The following SLC22A9 variants were observed in gnomAD, a reference collection of about 807,000 sequenced individuals.
SLC22A9 encodes organic anion transporter 7.
SLC22A9 carries 64 observed loss-of-function variants against 50.1 expected under a neutral mutation model. The observed-to-expected ratio is 1.28, with a 90% confidence interval of 1.04 to 1.57. The LOEUF is 1.57. Ranked by LOEUF, SLC22A9 falls within the 40% of genes most tolerant of loss-of-function variation. SLC22A9 has a pLI of 0.00. For missense variants in SLC22A9, 757 were observed against 676.1 expected, an observed-to-expected ratio of 1.12 and a Z score of -1.33; for synonymous variants, 261 against 242.5, an observed-to-expected ratio of 1.08 and a Z score of -0.71.
At position 63,370,027 on chromosome 11, in the gene SLC22A9, C is replaced by A; in HGVS notation, c.-30C>A. 6.3e-7 allele frequency: 1 copy of A among 1,586,276 alleles called. No homozygotes were observed. The highest frequency in any genetic ancestry group is 2.2e-5 in the East Asian group (1 of 44,744). On this transcript the variant is annotated 5_prime_UTR_variant, in exon 1 of 10. Coordinates refer to ENST00000279178, the MANE Select transcript of SLC22A9 (RefSeq NM_080866.3). ...ACCTCTCTGGATACAGTCATTTTGC[C>A]TCTACTTGAGGATCAACTGTTCAAC...
chr11:63,407,058 T>TC (rs2015053511), intron 7 of SLC22A9, among the ~76,000 whole-genome samples: 1 of 152,208 alleles, frequency 6.6e-6, no homozygotes, highest in Non-Finnish European at 1.5e-5. Flanking sequence ...TGTCATTGTT[T>TC]CCCAACATGA....
intron 6 of SLC22A9, among the ~76,000 whole-genome samples, chr11:63,383,895 A>G (rs1340682689): frequency 2.6e-5 from 4 of 152,086 alleles, no homozygotes; most frequent in African/African-American, 9.7e-5. Flanking sequence ...CTAAAAATAC[A>G]AAAATTAGTT....
intron 9 of SLC22A9, among the ~76,000 whole-genome samples, chr11:63,409,094 T>C (rs2015091511): frequency 2.0e-5 from 3 of 152,156 alleles, no homozygotes; most frequent in Admixed American, 6.6e-5. Flanking sequence ...AGACCAGCTC[T>C]GCCCAGCTTG....
chr11:63,377,113 C>T (rs984926481), intron 5 of SLC22A9, among the ~76,000 whole-genome samples: 1 of 152,058 alleles, frequency 6.6e-6, no homozygotes, highest in African/African-American at 2.4e-5. Context: ...GAATTCAACA[C>T]CCCACTGGCA....
At chr11:63,401,957 G>A (rs2014958827) in intron 6 of SLC22A9, among the ~76,000 whole-genome samples, 1 of 152,064 alleles carries the variant, frequency 6.6e-6, no homozygotes, top group Non-Finnish European at 1.5e-5. Context: ...GGGTTTGTTT[G>A]TTTGTTTGTT....
chr11:63,379,336 C>T (rs1294313654), intron 5 of SLC22A9, among the ~76,000 whole-genome samples: 1 of 152,066 alleles, frequency 6.6e-6, no homozygotes, highest in East Asian at 1.9e-4. Context: ...GAAACTGAAC[C>T]CCTTCCTTTC....
chr11:63,407,280 T>A (rs1176570936), intron 7 of SLC22A9, among the ~76,000 whole-genome samples: 1 of 152,190 alleles, frequency 6.6e-6, no homozygotes, highest in Non-Finnish European at 1.5e-5. Context: ...GAAGAAATTG[T>A]CAGTTAATAG....
intron 6 of SLC22A9, among the ~76,000 whole-genome samples, chr11:63,405,679 T>TAA (rs2015025237): frequency 6.6e-6 from 1 of 152,108 alleles, no homozygotes; most frequent in Non-Finnish European, 1.5e-5. Context: ...GTAATGGAGG[T>TAA]AAATGGACAT....
intron 6 of SLC22A9, among the ~76,000 whole-genome samples, chr11:63,388,765 T>C (rs980453588): frequency 6.6e-6 from 1 of 152,228 alleles, no homozygotes; most frequent in Admixed American, 6.5e-5. Flanking sequence ...AGTTCTTCCT[T>C]AAATTTTGAT....
chr11:63,399,165 A>G (rs2014911722), intron 6 of SLC22A9, among the ~76,000 whole-genome samples: 1 of 152,202 alleles, frequency 6.6e-6, no homozygotes, highest in African/African-American at 2.4e-5. Flanking sequence ...AAGTAACCAC[A>G]AAACAAATAA....
At chr11:63,398,730 G>C (rs949668974) in intron 6 of SLC22A9, among the ~76,000 whole-genome samples, 4 of 151,918 alleles carry the variant, frequency 2.6e-5, no homozygotes, top group Non-Finnish European at 5.9e-5. Flanking sequence ...ATTCAAGGAA[G>C]TCTTTCCTAC....
At chr11:63,393,302 G>C (rs931823180) in intron 6 of SLC22A9, among the ~76,000 whole-genome samples, 1 of 152,128 alleles carries the variant, frequency 6.6e-6, no homozygotes, top group African/African-American at 2.4e-5. Flanking sequence ...CTCTGTTGGT[G>C]TATAGAAGAG....
Position 63,408,716 on chromosome 11 carries a change from G to C in SLC22A9, c.1438G>C (p.Ala480Pro). Residue 480 changes from alanine (A) to proline (P), a missense_variant, in exon 9 of 10, where the codon GCA becomes CCA. By Grantham distance (27) the Ala-to-Pro change is conservative (BLOSUM62 -1). Transcript: ENST00000279178. ...MGINATFANI[A>P]GALAPLMMIL... Reference sequence around the variant, plus strand: ...GATCAATGCAACCTTTGCTAATATAGCAGGAGCCCTGGCTCCCCTCATGAT... The same window carrying C: ...GATCAATGCAACCTTTGCTAATATACCAGGAGCCCTGGCTCCCCTCATGAT... The C allele has an allele frequency of 6.2e-7, 1 of 1,613,902 alleles. No homozygotes were observed. The highest frequency in any genetic ancestry group is 8.5e-7 in the Non-Finnish European group (1 of 1,179,898).
chr11:63,371,172 T>G lies in SLC22A9; in HGVS notation c.440T>G (p.Val147Gly). ...LVCDSQSLTS[V>G]AKFVFMAGMM... ...TGTGACTCTCAATCACTGACTTCAG[T>G]GGCTAAATTTGTATTCATGGCTGGA... Residue 147 changes from valine (V) to glycine (G), a missense_variant, in exon 2 of 10, where the codon GTG becomes GGG. Transcript: ENST00000279178. 6.2e-7 allele frequency: 1 copy of G among 1,613,488 alleles called. No homozygotes were observed. Among genetic ancestry groups the G allele is most frequent in the Non-Finnish European group, 8.5e-7 (1 of 1,179,568 alleles).
chr11:63,397,892 T>C (rs1416323329), intron 6 of SLC22A9, among the ~76,000 whole-genome samples: 2 of 133,566 alleles, frequency 1.5e-5, no homozygotes, highest in Non-Finnish European at 3.2e-5. Context: ...GCTGAGTTGG[T>C]ACCTAAGCTG....
At chr11:63,374,684 C>T (rs2014429113) in intron 4 of SLC22A9, among the ~76,000 whole-genome samples, 1 of 151,942 alleles carries the variant, frequency 6.6e-6, no homozygotes, top group Non-Finnish European at 1.5e-5. Context: ...TACAGGAAAA[C>T]ATTTGAGGAG....
chr11:63,389,173 T>G (rs1316349355), intron 6 of SLC22A9, among the ~76,000 whole-genome samples: 1 of 150,342 alleles, frequency 6.7e-6, no homozygotes, highest in Non-Finnish European at 1.5e-5. Context: ...TCTGCTCTAA[T>G]TTTTTTTTTA....
chr11:63,398,620 G>A (rs1160501433), intron 6 of SLC22A9, among the ~76,000 whole-genome samples: 3 of 152,104 alleles, frequency 2.0e-5, no homozygotes, highest in Non-Finnish European at 4.4e-5. Flanking sequence ...GATTCCCAAT[G>A]CAAAGTCCCA....
intron 6 of SLC22A9, among the ~76,000 whole-genome samples, chr11:63,395,762 C>A (rs1205320588): frequency 6.6e-6 from 1 of 152,034 alleles, no homozygotes; most frequent in Admixed American, 6.5e-5. Flanking sequence ...GAATGGGGCC[C>A]TAGAACTCCC....
Sources: allele counts gnomAD v4.1 joint callset (sites outside exome capture counted in the v4.1 genomes callset), GRCh38; gene constraint gnomAD v4.1.1; transcripts MANE v1.5; gene names NCBI Gene and HGNC (gene_info 2026-07-23, HGNC 2026-07-21).